NAALADL2: variants seen among roughly 807,000 people sequenced by gnomAD.
NAALADL2 encodes inactive N-acetylated-alpha-linked acidic dipeptidase-like protein 2.
Under a neutral mutation model 87.2 loss-of-function variants are expected in NAALADL2, and 76 were observed. The ratio of observed to expected loss-of-function variants is 0.87; its 90% CI spans 0.72 to 1.05. The LOEUF (loss-of-function observed/expected upper bound fraction) is 1.05, where lower values mean the gene tolerates loss of function less well. Ranked by LOEUF, NAALADL2 falls within the 50% of genes least tolerant of loss-of-function variation. NAALADL2 has a pLI of 0.00. For missense variants in NAALADL2, 1,089 were observed against 945.8 expected (o/e 1.15, Z -1.99); for synonymous variants, 354 against 331.0 (o/e 1.07, Z -0.75).
At chr3:174,519,884 C>G (rs954417670) in intron 1 of NAALADL2, among the ~76,000 whole-genome samples, 5 of 152,104 alleles carry the variant, frequency 3.3e-5, no homozygotes, top group South Asian at 2.1e-4. Context: ...CAGCCAACAT[C>G]ATACTGAATG....
intron 2 of NAALADL2, among the ~76,000 whole-genome samples, chr3:174,569,388 G>A (rs182002031): frequency 1.5e-4 from 23 of 152,002 alleles, no homozygotes; most frequent in African/African-American, 4.6e-4. Flanking sequence ...CATATGAAAA[G>A]CACCCCTCCT....
intron 2 of NAALADL2, chr3:174,632,085 T>C (rs1032108568): frequency 1.3e-5 from 2 of 152,210 alleles, no homozygotes; most frequent in African/African-American, 4.8e-5. Flanking sequence ...AGACAACCTT[T>C]GGTTGGGGTG....
rs1751098343 is a variant in NAALADL2, at chr3:175,781,651, T to G, written c.2190-21354T>G. ...AATGTGTTTGTTTGTATTTTCATTT[T>G]TAGCAAAAAAAAAAAAAAAGTTTAA... On this transcript the variant is annotated intron_variant, in intron 13 of 13. Coordinates refer to ENST00000454872, the MANE Select transcript of NAALADL2 (RefSeq NM_207015.3). Among the ~76,000 whole-genome samples, 5 of 145,704 alleles carry G rather than the reference T, an allele frequency of 3.4e-5. No homozygotes were observed. In the South Asian group the frequency reaches 1.0e-3, roughly 30 times the overall value.
At chr3:175,421,852 A>C (rs934542199) in intron 5 of NAALADL2, among the ~76,000 whole-genome samples, 7 of 152,112 alleles carry the variant, frequency 4.6e-5, no homozygotes, top group Admixed American at 2.0e-4. Context: ...ACATTAAGAA[A>C]GACAACTGAA....
At chr3:174,621,952 C>G (rs1189601703) in intron 2 of NAALADL2, among the ~76,000 whole-genome samples, 1 of 152,066 alleles carries the variant, frequency 6.6e-6, no homozygotes, top group African/African-American at 2.4e-5. Context: ...CTTCACCATC[C>G]CTAACAAAGG....
chr3:174,881,471 T>A (rs1729187501), intron 1 of NAALADL2, among the ~76,000 whole-genome samples: 1 of 152,172 alleles, frequency 6.6e-6, no homozygotes, highest in South Asian at 2.1e-4. Flanking sequence ...CATGGCTATT[T>A]GCATTTGGGA....
intron 11 of NAALADL2, among the ~76,000 whole-genome samples, chr3:175,653,805 T>C (rs1731096432): frequency 6.6e-6 from 1 of 152,198 alleles, no homozygotes; most frequent in African/African-American, 2.4e-5. Context: ...GAGTACTGTG[T>C]ATAATGAGCC....
At chr3:175,055,719 C>T (rs543166763) in intron 1 of NAALADL2, among the ~76,000 whole-genome samples, 3 of 152,286 alleles carry the variant, frequency 2.0e-5, no homozygotes, top group South Asian at 2.1e-4. Context: ...CTATTTTCCC[C>T]TATCCGGTGG....
intron 2 of NAALADL2, among the ~76,000 whole-genome samples, chr3:175,116,743 C>CAAA (rs1725256626): frequency 6.6e-6 from 1 of 151,368 alleles, no homozygotes; most frequent in African/African-American, 2.4e-5. Flanking sequence ...ACCACAACAA[C>CAAA]AACAAAAAAA....
intron 2 of NAALADL2, among the ~76,000 whole-genome samples, chr3:174,672,418 A>G (rs1240888908): frequency 6.6e-6 from 1 of 151,944 alleles, no homozygotes; most frequent in African/African-American, 2.4e-5. Flanking sequence ...TTATGGGGTC[A>G]GGCTCTATTC....
At chr3:175,493,149 A>G (rs73045057) in intron 9 of NAALADL2, among the ~76,000 whole-genome samples, 10,854 of 152,108 alleles carry the variant, frequency 0.071, 459 homozygotes, top group South Asian at 0.15. Flanking sequence ...CACTTAAATG[A>G]TAACAGTGGG....
chr3:175,718,224 G>C, intron 11 of NAALADL2: 1 of 191,558 alleles, frequency 5.2e-6, no homozygotes, highest in Non-Finnish European at 8.0e-6. Context: ...TTTTTTTTTT[G>C]ATTAGTTGCT....
At chr3:175,179,158 A>G (rs1267490422) in intron 2 of NAALADL2, among the ~76,000 whole-genome samples, 1 of 152,050 alleles carries the variant, frequency 6.6e-6, no homozygotes, top group African/African-American at 2.4e-5. Context: ...AACACAAAAT[A>G]TACTTCCATT....
At chr3:174,974,822 C>A (rs1744151673) in intron 1 of NAALADL2, among the ~76,000 whole-genome samples, 1 of 151,778 alleles carries the variant, frequency 6.6e-6, no homozygotes, top group South Asian at 2.1e-4. Flanking sequence ...GAGAGAGAGG[C>A]AAAATATTGG....
At chr3:174,711,882 C>T (rs974836649) in intron 2 of NAALADL2, among the ~76,000 whole-genome samples, 3 of 152,182 alleles carry the variant, frequency 2.0e-5, no homozygotes, top group Admixed American at 6.5e-5. Context: ...TCACTGTAAC[C>T]TCTGCCTCCT....
chr3:175,684,932 T>C (rs1736067827), intron 11 of NAALADL2, among the ~76,000 whole-genome samples: 1 of 152,238 alleles, frequency 6.6e-6, no homozygotes, highest in Admixed American at 6.5e-5. Context: ...AGCTTGTAGT[T>C]AAAATCTAAT....
intron 6 of NAALADL2, among the ~76,000 whole-genome samples, chr3:175,462,911 G>T (rs1275304983): frequency 1.3e-5 from 2 of 152,112 alleles, no homozygotes; most frequent in South Asian, 4.1e-4. Flanking sequence ...ATCCTTTTAT[G>T]TTGTATAATG....
intron 2 of NAALADL2, among the ~76,000 whole-genome samples, chr3:174,657,021 CTCTTTT>C (rs1373379018): frequency 1.3e-5 from 2 of 149,692 alleles, no homozygotes; most frequent in African/African-American, 5.0e-5. Context: ...CTCTCTCTCT[CTCTTTT>C]TCTTTTCCTT....
intron 2 of NAALADL2, among the ~76,000 whole-genome samples, chr3:174,724,821 TAG>T (rs1490883742): frequency 1.3e-5 from 2 of 152,184 alleles, no homozygotes; most frequent in Non-Finnish European, 2.9e-5. Flanking sequence ...GTCGAAATGG[TAG>T]AGTGTATACT....
Sources: gnomAD v4.1 joint callset for allele counts (sites outside exome capture counted in the v4.1 genomes callset) on GRCh38, gnomAD v4.1.1 for gene constraint, MANE v1.5 for transcripts, NCBI Gene and HGNC (gene_info 2026-07-23, HGNC 2026-07-21) for gene names.